Variants in CNTNAP2 observed in about 807,000 individuals in gnomAD.
CNTNAP2 encodes contactin-associated protein-like 2.
In CNTNAP2, 98 loss-of-function variants were observed where a neutral mutation model predicts 155.2. The observed-to-expected ratio is 0.63, with a 90% CI of 0.54 to 0.75. The LOEUF (loss-of-function observed/expected upper bound fraction) is 0.75. Ranked by LOEUF, CNTNAP2 falls within the 30% of genes least tolerant of loss-of-function variation. CNTNAP2 has a pLI of 0.00. For synonymous variants in CNTNAP2, 651 were observed against 631.2 expected (o/e 1.03, Z -0.47); for missense variants, 1,727 against 1,688.1 (o/e 1.02, Z -0.40).
chr7:146,338,947 C>T (rs1233750902), intron 1 of CNTNAP2, among the ~76,000 whole-genome samples: 1 of 151,952 alleles, frequency 6.6e-6, no homozygotes, highest in African/African-American at 2.4e-5. Flanking sequence ...CTTTGGGAGG[C>T]CGAGGTGGGT....
chr7:146,725,477 T>G (rs1038183053), intron 1 of CNTNAP2, among the ~76,000 whole-genome samples: 4 of 152,126 alleles, frequency 2.6e-5, no homozygotes, highest in Admixed American at 6.6e-5. Flanking sequence ...ATAGCCCTTC[T>G]CAACCACCTT....
intron 8 of CNTNAP2, among the ~76,000 whole-genome samples, chr7:147,270,959 A>G (rs1218950894): frequency 6.6e-6 from 1 of 152,132 alleles, no homozygotes; most frequent in Non-Finnish European, 1.5e-5. Context: ...CCCCCTAGGA[A>G]GCCCCCACCA....
intron 11 of CNTNAP2, among the ~76,000 whole-genome samples, chr7:147,545,036 C>T (rs1799706502): frequency 6.6e-6 from 1 of 151,950 alleles, no homozygotes. Context: ...CATACACGTA[C>T]TCATAGACAT....
At chr7:146,968,501 C>T (rs1264282594) in intron 3 of CNTNAP2, among the ~76,000 whole-genome samples, 1 of 152,040 alleles carries the variant, frequency 6.6e-6, no homozygotes, top group Non-Finnish European at 1.5e-5. Flanking sequence ...TGTTATTGGT[C>T]TATTCGGAGA....
chr7:147,237,115 G>C (rs948808163), intron 8 of CNTNAP2, among the ~76,000 whole-genome samples: 1 of 120,700 alleles, frequency 8.3e-6, no homozygotes, highest in Non-Finnish European at 1.6e-5. Flanking sequence ...GCCCAGGCTG[G>C]AGCACAGTGG....
rs529047587 is a variant in CNTNAP2, at chr7:148,384,030, C to A, written c.3715+142C>A. 1.8e-5 allele frequency: 22 copies of A among 1,213,708 alleles called. No homozygotes were observed. In the South Asian group the frequency reaches 2.5e-4, roughly 14 times the overall value. The allele number at this position is 1,213,708 out of a possible 1,614,324, so 75.2% of individuals were successfully genotyped here. ...AAAGGGCAAAGGAACGTTGTGAGTA[C>A]GGAGTTCTCAGGGCAGCACTTAGCA... On this transcript the variant is annotated intron_variant, in intron 22 of 23. Transcript: ENST00000361727.
intron 8 of CNTNAP2, among the ~76,000 whole-genome samples, chr7:147,138,123 T>C (rs1368463264): frequency 6.6e-6 from 1 of 151,938 alleles, no homozygotes; most frequent in Non-Finnish European, 1.5e-5. Context: ...CTTGTAGATA[T>C]CTAAAAATTT....
intron 8 of CNTNAP2, among the ~76,000 whole-genome samples, chr7:147,235,345 GGTGTGTGTGTGTGT>G (rs60072934): frequency 1.0e-3 from 141 of 140,968 alleles, no homozygotes; most frequent in South Asian, 3.4e-3. Flanking sequence ...TGGAGTTTTT[GGTGTGTGTGTGTGT>G]GTGTGTGTGT....
At chr7:146,421,945 T>C (rs1464473858) in intron 1 of CNTNAP2, among the ~76,000 whole-genome samples, 1 of 151,976 alleles carries the variant, frequency 6.6e-6, no homozygotes, top group African/African-American at 2.4e-5. Context: ...CTTGTTTCAC[T>C]GAAGAGTACA....
intron 1 of CNTNAP2, among the ~76,000 whole-genome samples, chr7:146,318,950 G>C (rs1800954869): frequency 6.6e-6 from 1 of 152,010 alleles, no homozygotes; most frequent in African/African-American, 2.4e-5. Context: ...AACAGTCCTT[G>C]GAGACAGATA....
chr7:147,334,991 A>G (rs1795641839), intron 9 of CNTNAP2, among the ~76,000 whole-genome samples: 1 of 152,164 alleles, frequency 6.6e-6, no homozygotes. Context: ...TATTATCCCT[A>G]TTCTGCAGAT....
intron 21 of CNTNAP2, among the ~76,000 whole-genome samples, chr7:148,295,779 A>C (rs545314775): frequency 1.4e-4 from 22 of 152,048 alleles, no homozygotes; most frequent in Non-Finnish European, 1.8e-4. Context: ...ACATGAGCCA[A>C]CGCGCCCGGC....
chr7:146,638,645 T>C (rs971014895), intron 1 of CNTNAP2, among the ~76,000 whole-genome samples: 4 of 151,408 alleles, frequency 2.6e-5, no homozygotes, highest in Non-Finnish European at 4.4e-5. Context: ...CCACCACACC[T>C]GGCTAATTTT....
rs561730752 is a variant in CNTNAP2, at chr7:146,249,148, G to T, written c.97+132175G>T. The stretch of plus-strand genomic sequence containing the variant: ...TTGTGGTGGAATGTCATCAGTTAAG[G>T]CAGGAACCGGCCATCTGGATGTGTA... On this transcript the variant is annotated intron_variant, in intron 1 of 23. Coordinates refer to ENST00000361727, the MANE Select transcript of CNTNAP2 (RefSeq NM_014141.6). 1.8e-3 allele frequency among the ~76,000 whole-genome samples: 270 copies of T among 152,228 alleles called. 1 individual carries two copies. Among genetic ancestry groups the T allele is most frequent in the Admixed American group, 2.6e-3 (40 of 15,294 alleles).
chr7:146,901,018 C>T (rs1011132001), intron 3 of CNTNAP2, among the ~76,000 whole-genome samples: 19 of 145,346 alleles, frequency 1.3e-4, no homozygotes, highest in African/African-American at 4.9e-4. Context: ...CAATGCTATT[C>T]TGATTAAAGT....
At chr7:146,190,379 A>G (rs1798685496) in intron 1 of CNTNAP2, among the ~76,000 whole-genome samples, 1 of 152,162 alleles carries the variant, frequency 6.6e-6, no homozygotes, top group Admixed American at 6.5e-5. Context: ...AAGTACGATA[A>G]AGGATGCACA....
intron 4 of CNTNAP2, among the ~76,000 whole-genome samples, chr7:147,051,787 T>A (rs1799479105): frequency 6.6e-6 from 1 of 152,154 alleles, no homozygotes; most frequent in African/African-American, 2.4e-5. Flanking sequence ...CATTGAATTA[T>A]ACTATTTTAA....
At chr7:147,064,161 T>TAAAC (rs372483702) in intron 4 of CNTNAP2, among the ~76,000 whole-genome samples, 6 of 152,298 alleles carry the variant, frequency 3.9e-5, no homozygotes, top group African/African-American at 1.4e-4. Flanking sequence ...GACTTACCAT[T>TAAAC]AGCATGCTAT....
At chr7:147,774,004 ATTT>A (rs1404082030) in intron 13 of CNTNAP2, among the ~76,000 whole-genome samples, 1 of 151,890 alleles carries the variant, frequency 6.6e-6, no homozygotes, top group African/African-American at 2.4e-5. Flanking sequence ...AGCCTCTTTG[ATTT>A]TTGTTGTTTT....
Sources: gnomAD v4.1 joint callset for allele counts (sites outside exome capture counted in the v4.1 genomes callset) on GRCh38, gnomAD v4.1.1 for gene constraint, MANE v1.5 for transcripts, NCBI Gene and HGNC (gene_info 2026-07-23, HGNC 2026-07-21) for gene names.